Variants in FAM53B observed in about 807,000 individuals in gnomAD.
FAM53B encodes protein FAM53B.
Under a neutral mutation model 32.7 loss-of-function variants are expected in FAM53B, and 12 were observed. The observed-to-expected ratio is 0.37, with a 90% CI of 0.24 to 0.59. The LOEUF is 0.59. Among genes scored for constraint, FAM53B ranks in the 20% least tolerant of loss-of-function variants. FAM53B has a pLI of 0.72. For missense variants in FAM53B, 477 were observed against 577.7 expected (o/e 0.83, Z 1.79); for synonymous variants, 234 against 228.7 (o/e 1.02, Z -0.21).
In FAM53B at chr10:124,623,128, C is replaced by T. The variant is rs1445205353; in HGVS notation, c.*114G>A. ...TCCCTCTCTGGGACCCGACACCACTCAGGAAGCTTTCATCAGGCCCACGAG... is the reference window on the plus strand; with the variant it reads ...TCCCTCTCTGGGACCCGACACCACTTAGGAAGCTTTCATCAGGCCCACGAG... On this transcript the variant is annotated 3_prime_UTR_variant, in exon 5 of 5. Coordinates refer to ENST00000337318, the MANE Select transcript of FAM53B (RefSeq NM_014661.4). 1.7e-5 allele frequency: 24 copies of T among 1,378,668 alleles called. No homozygotes were observed. The highest frequency in any genetic ancestry group is 2.2e-4 in the Middle Eastern group (1 of 4,564). 85.4% of individuals were successfully genotyped at this position (1,378,668 alleles called of 1,614,324 possible). A position where few individuals can be genotyped will look rare whatever the true frequency, so the allele number is the denominator to read the frequency against.
intron 1 of FAM53B, among the ~76,000 whole-genome samples, chr10:124,719,365 G>A (rs1042809080): frequency 4.6e-5 from 7 of 152,192 alleles, no homozygotes; most frequent in African/African-American, 1.4e-4. Context: ...GGGTGTTAAA[G>A]AGGAAATGAC....
At chr10:124,702,868 G>A (rs1397037765) in intron 2 of FAM53B, among the ~76,000 whole-genome samples, 1 of 152,134 alleles carries the variant, frequency 6.6e-6, no homozygotes, top group African/African-American at 2.4e-5. Flanking sequence ...GCCTCCCCAT[G>A]GTGATCAGGG....
At chr10:124,627,451 CATT>C (rs1158506200) in intron 4 of FAM53B, among the ~76,000 whole-genome samples, 3 of 152,248 alleles carry the variant, frequency 2.0e-5, no homozygotes, top group African/African-American at 7.2e-5. Flanking sequence ...TGCATGAACA[CATT>C]ATTCCAAGGT....
intron 4 of FAM53B, among the ~76,000 whole-genome samples, chr10:124,640,049 C>T (rs1330133948): frequency 1.3e-5 from 2 of 152,184 alleles, no homozygotes; most frequent in African/African-American, 4.8e-5. Flanking sequence ...CAGAAAATCA[C>T]TTTCTACCCC....
rs1431909852 is a variant in FAM53B, at chr10:124,663,650, C to T, written c.906+17957G>A. ...GGTGGGCACCGAGGTTCTGAAGTCC[C>T]ATCGTGCTGCCAGGTGATGTCTTCG... On this transcript the variant is annotated intron_variant, in intron 4 of 4. Coordinates refer to ENST00000337318, the MANE Select transcript of FAM53B (RefSeq NM_014661.4). Among the ~76,000 whole-genome samples, 4 of 152,336 alleles carry T rather than the reference C, an allele frequency of 2.6e-5. No homozygotes were observed. In the East Asian group the frequency reaches 7.7e-4, roughly 29 times the overall value.
chr10:124,693,500 C>T (rs1312632444), intron 3 of FAM53B, among the ~76,000 whole-genome samples: 2 of 151,886 alleles, frequency 1.3e-5, no homozygotes, highest in African/African-American at 4.8e-5. Context: ...AGGCACACCT[C>T]AGATGAAATC....
At chr10:124,738,737 C>G (rs1199859993) in intron 1 of FAM53B, among the ~76,000 whole-genome samples, 1 of 152,088 alleles carries the variant, frequency 6.6e-6, no homozygotes, top group Non-Finnish European at 1.5e-5. Flanking sequence ...TGATATTGTA[C>G]AGACCTGGAG....
intron 4 of FAM53B, among the ~76,000 whole-genome samples, chr10:124,657,140 ATATATATGTG>A (rs1402450439): frequency 4.2e-5 from 6 of 142,092 alleles, no homozygotes; most frequent in Non-Finnish European, 9.2e-5. Flanking sequence ...GTGTATATAC[ATATATATGTG>A]TATATATGTG....
chr10:124,701,261 A>G (rs539955213), intron 2 of FAM53B, among the ~76,000 whole-genome samples: 134 of 152,386 alleles, frequency 8.8e-4, no homozygotes, highest in African/African-American at 2.9e-3. Context: ...AACTGGGTGC[A>G]AGGCCTGACA....
chr10:124,642,653 G>A (rs1390698413), intron 4 of FAM53B, among the ~76,000 whole-genome samples: 2 of 152,186 alleles, frequency 1.3e-5, no homozygotes, highest in East Asian at 3.9e-4. Flanking sequence ...CGAGACACAG[G>A]GGCACGTGCA....
chr10:124,685,624 A>G (rs1180656825), intron 3 of FAM53B, among the ~76,000 whole-genome samples: 1 of 152,244 alleles, frequency 6.6e-6, no homozygotes. Flanking sequence ...AACCCGTGAC[A>G]TGAAAAGGAG....
intron 1 of FAM53B, among the ~76,000 whole-genome samples, chr10:124,714,757 T>A (rs758997579): frequency 0.048 from 1,997 of 41,486 alleles, 33 homozygotes; most frequent in Non-Finnish European, 0.064. Flanking sequence ...AGACTCCACC[T>A]CAAAAAAAAA....
At chr10:124,687,818 T>C (rs1202706851) in intron 3 of FAM53B, among the ~76,000 whole-genome samples, 2 of 152,296 alleles carry the variant, frequency 1.3e-5, no homozygotes, top group African/African-American at 2.4e-5. Context: ...GAAATGCTGT[T>C]CTGGAAAGCA....
chr10:124,656,315 A>C (rs1949588956), intron 4 of FAM53B, among the ~76,000 whole-genome samples: 1 of 152,222 alleles, frequency 6.6e-6, no homozygotes, highest in East Asian at 1.9e-4. Flanking sequence ...GCTCTGAATG[A>C]TCAAGAGAGC....
Position 124,744,079 on chromosome 10 carries a change from G to T in FAM53B, c.-241C>A, listed in dbSNP as rs1324607919. On this transcript the variant is annotated 5_prime_UTR_variant, in exon 1 of 5. Coordinates refer to ENST00000337318, the MANE Select transcript of FAM53B (RefSeq NM_014661.4). ...ACCGCCAGCGCTCGCCAAGTCGTCC[G>T]GGGTGCCCGCCGCGCGTCCGCCGCG... The T allele has an allele frequency of 1.4e-5, 2 of 147,228 alleles. No homozygotes were observed. The highest frequency in any genetic ancestry group is 6.7e-5 in the Admixed American group (1 of 14,826). 9.1% of individuals were successfully genotyped at this position (147,228 alleles called of 1,614,324 possible). A position where few individuals can be genotyped will look rare whatever the true frequency, so the allele number is the denominator to read the frequency against.
intron 4 of FAM53B, among the ~76,000 whole-genome samples, chr10:124,626,563 C>T (rs1949357302): frequency 6.6e-6 from 1 of 152,180 alleles, no homozygotes; most frequent in African/African-American, 2.4e-5. Flanking sequence ...AGAGCAGGCC[C>T]TCACAAGACC....
rs777752166 is a variant in FAM53B at position 124,667,422 on chromosome 10, T to C, written c.906+14185A>G. ...GATGTGCCTTCCTCATGGGGCTATC[T>C]GGAGGAGAAAATACAACAGGTGAGT... On this transcript the variant is annotated intron_variant, in intron 4 of 4. Transcript: ENST00000337318. 7 of 768,824 alleles carry C rather than the reference T, an allele frequency of 9.1e-6. No individual in the cohort carries two copies. In the Admixed American group the frequency reaches 1.2e-4, roughly 13 times the overall value. 47.6% of individuals were successfully genotyped at this position (768,824 alleles called of 1,614,324 possible). A position where few individuals can be genotyped will look rare whatever the true frequency, so the allele number is the denominator to read the frequency against.
intron 4 of FAM53B, among the ~76,000 whole-genome samples, chr10:124,654,145 T>A (rs1949571796): frequency 6.6e-6 from 1 of 152,232 alleles, no homozygotes; most frequent in Non-Finnish European, 1.5e-5. Context: ...GAGGCTCCTA[T>A]CCTTGCCAAA....
chr10:124,735,274 C>T (rs1250807515), intron 1 of FAM53B, among the ~76,000 whole-genome samples: 2 of 152,164 alleles, frequency 1.3e-5, no homozygotes, highest in Non-Finnish European at 2.9e-5. Flanking sequence ...ACAGAAGTGT[C>T]GGTGGCAGCA....
Sources: gnomAD v4.1 joint callset for allele counts (sites outside exome capture counted in the v4.1 genomes callset) on GRCh38, gnomAD v4.1.1 for gene constraint, MANE v1.5 for transcripts, NCBI Gene and HGNC (gene_info 2026-07-23, HGNC 2026-07-21) for gene names.